Variants in GAS2 observed in about 807,000 individuals in gnomAD.
The protein encoded by GAS2 is growth arrest specific 2.
A neutral mutation model predicts 37.5 loss-of-function variants in GAS2; 20 were observed. The ratio of observed to expected loss-of-function variants is 0.53; its 90% CI spans 0.37 to 0.77. The LOEUF (loss-of-function observed/expected upper bound fraction) is 0.77. Among genes scored for constraint, GAS2 ranks in the 30% least tolerant of loss-of-function variants. GAS2 has a pLI of 0.00. For missense variants in GAS2, 336 were observed against 373.4 expected (o/e 0.90, Z 0.82); for synonymous variants, 144 against 132.2 (o/e 1.09, Z -0.61).
At chr11:22,774,563 G>A (rs1260755362) in intron 7 of GAS2, among the ~76,000 whole-genome samples, 4 of 152,208 alleles carry the variant, frequency 2.6e-5, no homozygotes, top group African/African-American at 9.6e-5. Flanking sequence ...CAAAGTGCTT[G>A]AAGATTGGGA....
intron 7 of GAS2, among the ~76,000 whole-genome samples, chr11:22,777,972 A>G (rs1855349408): frequency 6.6e-6 from 1 of 152,178 alleles, no homozygotes; most frequent in Admixed American, 6.5e-5. Flanking sequence ...AATGGTAGAG[A>G]GAATGGGAAA....
At chr11:22,644,420 A>G (rs2133821620) in intron 1 of GAS2, among the ~76,000 whole-genome samples, 1 of 152,324 alleles carries the variant, frequency 6.6e-6, no homozygotes, top group South Asian at 2.1e-4. Flanking sequence ...ATTACCAAGT[A>G]TAAAGGGAGG....
In GAS2 at chr11:22,788,173, T is replaced by C. The variant is rs1855907356; in HGVS notation, c.724-23625T>C. ...AATGTTATATTGTGAGTCTTGCATG[T>C]TAATTAAGCTCATGGTAGTAAAAGT... On this transcript the variant is annotated intron_variant, in intron 7 of 7. Coordinates refer to ENST00000454584, the MANE Select transcript of GAS2 (RefSeq NM_001143830.3). Among the ~76,000 whole-genome samples, 4 of 152,308 alleles carry C rather than the reference T, an allele frequency of 2.6e-5. No homozygotes were observed. The South Asian group carries it at 8.3e-4, about 32-fold the overall frequency.
chr11:22,682,654 C>A (rs1243844653), intron 2 of GAS2, among the ~76,000 whole-genome samples: 1 of 151,748 alleles, frequency 6.6e-6, no homozygotes, highest in African/African-American at 2.4e-5. Context: ...CTGAGGCGGG[C>A]AGATCACTAG....
intron 7 of GAS2, among the ~76,000 whole-genome samples, chr11:22,761,066 A>G (rs570357030): frequency 2.0e-5 from 3 of 152,002 alleles, no homozygotes; most frequent in East Asian, 1.9e-4. Flanking sequence ...TTCCTTTACT[A>G]TTTTCTCTCT....
chr11:22,706,603 C>T (rs549072486), intron 3 of GAS2, among the ~76,000 whole-genome samples: 6 of 151,816 alleles, frequency 4.0e-5, no homozygotes, highest in African/African-American at 7.3e-5. Flanking sequence ...TTTGTCCTTG[C>T]GATAGTTTAC....
At chr11:22,687,965 T>C (rs1000053454) in intron 3 of GAS2, among the ~76,000 whole-genome samples, 3 of 152,232 alleles carry the variant, frequency 2.0e-5, no homozygotes, top group African/African-American at 7.2e-5. Flanking sequence ...TAACCAACTC[T>C]ATTAAGGCTG....
At chr11:22,641,220 G>A (rs200319861) in intron 1 of GAS2, among the ~76,000 whole-genome samples, 4,332 of 67,150 alleles carry the variant, frequency 0.065, 245 homozygotes, top group African/African-American at 0.14. Context: ...ATATATATAT[G>A]TGTGTGTGTA....
intron 1 of GAS2, among the ~76,000 whole-genome samples, chr11:22,645,478 G>T (rs897932771): frequency 6.6e-6 from 1 of 152,012 alleles, no homozygotes; most frequent in Non-Finnish European, 1.5e-5. Flanking sequence ...CTGCACTCCA[G>T]CCCGGGTGAC....
At chr11:22,661,422 C>G (rs1241202401) in intron 1 of GAS2, among the ~76,000 whole-genome samples, 6 of 152,112 alleles carry the variant, frequency 3.9e-5, no homozygotes, top group Non-Finnish European at 8.8e-5. Context: ...AGTCTAGTCC[C>G]TACTCTCTAG....
chr11:22,748,456 T>C (rs900208357), intron 5 of GAS2, among the ~76,000 whole-genome samples: 32 of 152,102 alleles, frequency 2.1e-4, no homozygotes, highest in Non-Finnish European at 3.2e-4. Context: ...TTTGAACTTT[T>C]CTGGCATTTA....
At chr11:22,719,080 G>A (rs1180833073) in intron 3 of GAS2, among the ~76,000 whole-genome samples, 1 of 151,996 alleles carries the variant, frequency 6.6e-6, no homozygotes, top group Non-Finnish European at 1.5e-5. Flanking sequence ...TATATTTATG[G>A]TGTATTTGTG....
At chr11:22,775,820 C>T (rs117009293) in intron 7 of GAS2, among the ~76,000 whole-genome samples, 439 of 152,254 alleles carry the variant, frequency 2.9e-3, no homozygotes, top group Non-Finnish European at 5.5e-3. Flanking sequence ...TTCTCAGTTC[C>T]AGGTCTGCCT....
intron 3 of GAS2, among the ~76,000 whole-genome samples, chr11:22,715,109 G>A (rs1851599941): frequency 6.6e-6 from 1 of 152,082 alleles, no homozygotes; most frequent in African/African-American, 2.4e-5. Flanking sequence ...AAAATTGATA[G>A]ACTGTTAATG....
At chr11:22,710,181 A>AAAAC (rs370597956) in intron 3 of GAS2, among the ~76,000 whole-genome samples, 2 of 152,034 alleles carry the variant, frequency 1.3e-5, no homozygotes, top group African/African-American at 4.8e-5. Context: ...AAAAAAGGAA[A>AAAAC]AAACAAACAA....
chr11:22,801,515 T>A (rs1856663860), intron 7 of GAS2, among the ~76,000 whole-genome samples: 1 of 151,952 alleles, frequency 6.6e-6, no homozygotes, highest in African/African-American at 2.4e-5. Flanking sequence ...GTGTATTCAA[T>A]TCAGTAAAAC....
At chr11:22,677,318 G>A (rs1464541577) in intron 2 of GAS2, among the ~76,000 whole-genome samples, 2 of 152,136 alleles carry the variant, frequency 1.3e-5, no homozygotes, top group African/African-American at 2.4e-5. Flanking sequence ...AAGGGCATGT[G>A]TTGAGGTAGG....
At chr11:22,672,496 G>A (rs1427439984) in intron 1 of GAS2, 2 of 152,168 alleles carry the variant, frequency 1.3e-5, no homozygotes, top group South Asian at 2.1e-4. Flanking sequence ...GCTGGACAAT[G>A]AGCTTAAGAA....
At chr11:22,801,288 C>T (rs908774836) in intron 7 of GAS2, among the ~76,000 whole-genome samples, 3 of 151,960 alleles carry the variant, frequency 2.0e-5, no homozygotes, top group Admixed American at 2.0e-4. Flanking sequence ...CCCCAAGACC[C>T]ACAGGAAGCT....
Sources: allele counts gnomAD v4.1 joint callset (sites outside exome capture counted in the v4.1 genomes callset), GRCh38; gene constraint gnomAD v4.1.1; transcripts MANE v1.5; gene names NCBI Gene and HGNC (gene_info 2026-07-23, HGNC 2026-07-21).